Variants in SHROOM2 observed in about 807,000 individuals in gnomAD.
SHROOM2 encodes shroom family member 2, also known as protein Shroom2.
SHROOM2 carries 33 observed loss-of-function variants against 75.9 expected under a neutral mutation model. The observed-to-expected ratio is 0.43, with a 90% CI of 0.33 to 0.58. The LOEUF is 0.58. SHROOM2 is among the 20% of genes least tolerant of loss of function. The probability of loss-of-function intolerance (pLI) is 0.04; values close to 1 mark genes in which losing one functional copy is unlikely to be tolerated. For synonymous variants in SHROOM2, 655 were observed against 663.6 expected (o/e 0.99, Z 0.20); for missense variants, 1,434 against 1,461.2 (o/e 0.98, Z 0.30).
chrX:9,829,375 G>A (rs1047816771), intron 1 of SHROOM2, among the ~76,000 whole-genome samples: 4 of 112,273 alleles, frequency 3.6e-5, no homozygotes, highest in African/African-American at 1.3e-4. Context: ...GTTACCAGCA[G>A]CACTAGTCAG....
At chrX:9,914,758 G>T (rs191038919) in intron 5 of SHROOM2, among the ~76,000 whole-genome samples, 2 of 112,112 alleles carry the variant, frequency 1.8e-5, no homozygotes, top group Non-Finnish European at 3.8e-5. Flanking sequence ...CAAACTGGGG[G>T]CGGGGTGACT....
chrX:9,932,319 G>T lies in SHROOM2; in HGVS notation c.3036G>T (p.Ala1012=). The change falls in exon 6 of 10, where the codon GCG becomes GCT. Residue 1012 remains alanine, a synonymous_variant. Transcript: ENST00000380913. ...PELPREGRGR[A]GTLPRDYRYS... ...TGCCCCGGGAGGGCCGGGGCCGAGC[G>T]GGAACCCTACCTCGAGATTATAGAT... 1 of 1,208,958 alleles carries T rather than the reference G, an allele frequency of 8.3e-7. No individual in the cohort carries two copies. Among genetic ancestry groups the T allele is most frequent in the Non-Finnish European group, 1.1e-6 (1 of 894,066 alleles).
intron 1 of SHROOM2, among the ~76,000 whole-genome samples, chrX:9,826,507 C>T (rs888795970): frequency 4.5e-5 from 5 of 111,219 alleles, no homozygotes; most frequent in Non-Finnish European, 7.5e-5. Context: ...TGTGATGGCT[C>T]ACTCCTGTAA....
At chrX:9,923,735 C>T (rs1024118867) in intron 5 of SHROOM2, among the ~76,000 whole-genome samples, 16 of 109,208 alleles carry the variant, frequency 1.5e-4, no homozygotes, top group Non-Finnish European at 2.3e-4. Flanking sequence ...ACTCAGGGTC[C>T]GATACTTGAG....
chrX:9,919,101 C>G (rs1284710956), intron 5 of SHROOM2, among the ~76,000 whole-genome samples: 1 of 111,277 alleles, frequency 9.0e-6, no homozygotes, highest in Non-Finnish European at 1.9e-5. Flanking sequence ...TTGCTGCAAT[C>G]TGCTTTGTGC....
intron 5 of SHROOM2, among the ~76,000 whole-genome samples, chrX:9,928,667 C>T (rs1204984471): frequency 9.0e-6 from 1 of 111,093 alleles, no homozygotes; most frequent in African/African-American, 3.3e-5. Context: ...TACCCACACA[C>T]GCATACAACG....
intron 1 of SHROOM2, among the ~76,000 whole-genome samples, chrX:9,812,615 C>T (rs1308795139): frequency 2.7e-5 from 3 of 112,295 alleles, no homozygotes; most frequent in African/African-American, 9.7e-5. Flanking sequence ...GCAAATGTCT[C>T]ACCAATAAGT....
At chrX:9,841,051 G>A (rs1232517588) in intron 1 of SHROOM2, among the ~76,000 whole-genome samples, 2 of 111,614 alleles carry the variant, frequency 1.8e-5, no homozygotes, top group African/African-American at 6.5e-5. Flanking sequence ...CACGTCCTGG[G>A]TTCAAGCAAT....
rs1313375726 is a variant in SHROOM2 at position 9,894,908 on chromosome X, A to G, written c.1000A>G (p.Lys334Glu). ...CTTTGCTGCCACCAAGAGCCACGAG[A>G]AGGCCCAGGGCCCTGTGTTCTCAGA... is the stretch of plus-strand genomic sequence containing the variant. ...DSFAATKSHE[K>E]AQGPVFSEAA... Residue 334 changes from lysine (K) to glutamate (E), a missense_variant, in exon 4 of 10, where the codon AAG (lysine) becomes GAG (glutamate). This residue lies in a region of SHROOM2 where 1,340 missense variants were observed against 1,338.3 expected (regional missense o/e 1.00). Transcript: ENST00000380913. 8.3e-7 allele frequency: 1 copy of G among 1,209,386 alleles called. No individual in the cohort carries two copies. The highest frequency in any genetic ancestry group is 1.7e-5 in the African/African-American group (1 of 57,204).
rs910165925 is a variant in SHROOM2, at chrX:9,896,462, C to T, written c.2554C>T (p.Leu852Phe). Reference protein sequence around the residue: ...WSRTTSLGDSLNAHSAAEKAG... With the variant: ...WSRTTSLGDSFNAHSAAEKAG... ...GCGCACCACCTCCCTTGGGGACAGC[C>T]TCAACGCTCACAGCGCAGCGGAGAA... The change falls in exon 4 of 10, where the codon CTC becomes TTC. Residue 852 changes from leucine (L) to phenylalanine (F), a missense_variant. This residue lies in a region of SHROOM2 where 1,340 missense variants were observed against 1,338.3 expected (regional missense o/e 1.00). Coordinates refer to ENST00000380913, the MANE Select transcript of SHROOM2 (RefSeq NM_001649.4). 1 of 1,211,244 alleles carries T rather than the reference C, an allele frequency of 8.3e-7. No individual in the cohort carries two copies. The highest frequency in any genetic ancestry group is 2.2e-5 in the Admixed American group (1 of 46,063).
At position 9,946,918 on chromosome X, in the gene SHROOM2, A is replaced by G. The variant is rs1235673323; in HGVS notation, c.4832A>G (p.Gln1611Arg). The change falls in exon 10 of 10, where the codon CAG becomes CGG. Residue 1611 changes from glutamine (Q) to arginine (R), a missense_variant. Around this residue, in one of 3 missense-constraint regions of SHROOM2, gnomAD observed 80 missense variants for 88.4 expected, o/e 0.90. Coordinates refer to ENST00000380913, the MANE Select transcript of SHROOM2 (RefSeq NM_001649.4). Reference protein sequence around the residue: ...EQLKCLLDSLQPERGK With the variant: ...EQLKCLLDSLRPERGK The stretch of plus-strand genomic sequence containing the variant: ...CTGAAGTGCTTATTGGACAGCCTTC[A>G]GCCCGAAAGGGGCAAATAAGAGACC... 5.0e-6 allele frequency: 6 copies of G among 1,196,441 alleles called. No individual in the cohort carries two copies. The highest frequency in any genetic ancestry group is 6.8e-6 in the Non-Finnish European group (6 of 887,542).
chrX:9,896,576 A>G lies in SHROOM2; in HGVS notation c.2668A>G (p.Arg890Gly), dbSNP rs2084333385. 8.3e-7 allele frequency: 1 copy of G among 1,210,851 alleles called. No homozygotes were observed. The highest frequency in any genetic ancestry group is 2.3e-4 in the Middle Eastern group (1 of 4,350). The change falls in exon 4 of 10, where the codon AGG becomes GGG. Residue 890 changes from arginine to glycine, a missense_variant. By Grantham distance (125) the Arg-to-Gly change is moderately radical (BLOSUM62 -2). This residue lies in a region of SHROOM2 where 1,340 missense variants were observed against 1,338.3 expected (regional missense o/e 1.00). Transcript: ENST00000380913. The stretch of plus-strand genomic sequence containing the variant: ...GGAACAGAGGAAACCTCTGGAGGCC[A>G]GGAGCTCTGGGCGCTGCCACTCAGC... Reference protein sequence around the residue: ...WKEQRKPLEARSSGRCHSADD... With the variant: ...WKEQRKPLEAGSSGRCHSADD...
At chrX:9,875,259 T>TGG (rs2084194288) in intron 2 of SHROOM2, among the ~76,000 whole-genome samples, 1 of 107,275 alleles carries the variant, frequency 9.3e-6, no homozygotes, top group Admixed American at 1.0e-4. Flanking sequence ...TTGGGGAGGG[T>TGG]GGGGCACAAG....
intron 2 of SHROOM2, among the ~76,000 whole-genome samples, chrX:9,876,959 C>G (rs1370782031): frequency 1.8e-5 from 2 of 112,354 alleles, no homozygotes; most frequent in Admixed American, 9.4e-5. Flanking sequence ...CCTGGCCTCT[C>G]CATGGTTTTT....
intron 1 of SHROOM2, among the ~76,000 whole-genome samples, chrX:9,834,002 T>G (rs2083930680): frequency 8.9e-6 from 1 of 112,261 alleles, no homozygotes; most frequent in Non-Finnish European, 1.9e-5. Context: ...ACACTAGTGG[T>G]TCACAATTGG....
intron 1 of SHROOM2, among the ~76,000 whole-genome samples, chrX:9,831,705 T>G (rs2083917300): frequency 9.0e-6 from 1 of 111,546 alleles, no homozygotes; most frequent in Non-Finnish European, 1.9e-5. Context: ...TTGCTCACAG[T>G]TCTGGGGGCT....
intron 1 of SHROOM2, among the ~76,000 whole-genome samples, chrX:9,868,744 T>C (rs1178009704): frequency 3.6e-5 from 3 of 84,035 alleles, no homozygotes; most frequent in African/African-American, 1.3e-4. Flanking sequence ...TTTTTTTTTT[T>C]TTTTTTTTTT....
intron 2 of SHROOM2, 74 bp downstream of exon 2, chrX:9,873,877 T>G (rs976903787): frequency 1.9e-6 from 2 of 1,072,103 alleles, no homozygotes; most frequent in Admixed American, 4.6e-5. Flanking sequence ...GGAAGCCAGT[T>G]GTCCTGCCCA....
Position 9,937,422 on chromosome X carries a change from A to G in SHROOM2, c.3876A>G (p.Lys1292=). ...QPLGTQVPPE[K]DRCTSPPGLS... ...TGGGCACCCAGGTGCCCCCCGAGAAAGACCGCTGCACCTCCCCTCCAGGGC... is the reference window on the plus strand; with the variant it reads ...TGGGCACCCAGGTGCCCCCCGAGAAGGACCGCTGCACCTCCCCTCCAGGGC... The change falls in exon 7 of 10, where the codon AAA becomes AAG. Residue 1292 remains lysine (K), a synonymous_variant. Transcript: ENST00000380913. 2 of 1,210,225 alleles carry G rather than the reference A, an allele frequency of 1.7e-6. No homozygotes were observed. Among genetic ancestry groups the G allele is most frequent in the African/African-American group, 1.7e-5 (1 of 57,767 alleles).
Sources: allele counts gnomAD v4.1 joint callset (sites outside exome capture counted in the v4.1 genomes callset), GRCh38; gene constraint gnomAD v4.1.1; regional missense constraint gnomAD v4.1.1; transcripts MANE v1.5; gene names NCBI Gene and HGNC (gene_info 2026-07-23, HGNC 2026-07-21).